The following FAM219B variants were observed in gnomAD, a reference collection of about 807,000 sequenced individuals.
FAM219B encodes family with sequence similarity 219 member B, also known as protein FAM219B.
In FAM219B, 18 loss-of-function variants were observed where a neutral mutation model predicts 19.9. That is an observed-to-expected ratio of 0.91 (90% confidence interval 0.63 to 1.34). FAM219B has a LOEUF of 1.34. Among genes scored for constraint, FAM219B ranks in the 40% most tolerant of loss-of-function variants. The pLI is 0.00. For missense variants in FAM219B, 283 were observed against 270.5 expected, an observed-to-expected ratio of 1.05 and a Z score of -0.32; for synonymous variants, 123 against 117.5, an observed-to-expected ratio of 1.05 and a Z score of -0.30.
In FAM219B at chr15:74,902,775, C is replaced by G. The variant is rs1432881925; in HGVS notation, c.441G>C (p.Gln147His). 2 of 1,608,530 alleles carry G rather than the reference C, an allele frequency of 1.2e-6. No homozygotes were observed. The highest frequency in any genetic ancestry group is 2.7e-5 in the African/African-American group (2 of 74,842). ...CCTGAAGCAGCTGCCGGCTCACATCCTGGTTCACCTGCTAAGAGAAGGAGA... is the reference window on the plus strand; with the variant it reads ...CCTGAAGCAGCTGCCGGCTCACATCGTGGTTCACCTGCTAAGAGAAGGAGA... ...SGYSSAEQVN[Q>H]DVSRQLLQDG... Residue 147 changes from glutamine to histidine, a missense_variant, in exon 5 of 5, where the codon CAG becomes CAC. Physicochemically the swap from Gln to His is conservative, Grantham distance 24. Coordinates refer to ENST00000357635, the MANE Select transcript of FAM219B (RefSeq NM_020447.5).
In FAM219B at chr15:74,902,582, C is replaced by T. The variant is rs1400729329; in HGVS notation, c.*37G>A. 6.4e-7 allele frequency: 1 copy of T among 1,565,240 alleles called. No individual in the cohort carries two copies. Among genetic ancestry groups the T allele is most frequent in the East Asian group, 2.3e-5 (1 of 44,294 alleles). On this transcript the variant is annotated 3_prime_UTR_variant, in exon 5 of 5. Coordinates refer to ENST00000357635, the MANE Select transcript of FAM219B (RefSeq NM_020447.5). ...TGAGTGGCCAACAGGGCTCTGTAGG[C>T]CTCATGGTGAGCAGGGCCCACCTTG...
chr15:74,898,102 C>T, downstream of FAM219B: 2 of 370,698 alleles, frequency 5.4e-6, no homozygotes, highest in Non-Finnish European at 1.0e-5. Flanking sequence ...TTTCTAAGAA[C>T]AGGGTTCTAG....
intron 4 of FAM219B, 85 bp downstream of exon 4, chr15:74,904,579 C>T: frequency 2.0e-6 from 3 of 1,490,698 alleles, no homozygotes. Flanking sequence ...GTGCTGTGCT[C>T]ACAGCGGGCA....
chr15:74,906,349 C>G lies in FAM219B; in HGVS notation c.231G>C (p.Leu77=), dbSNP rs763528552. Residue 77 remains leucine, a synonymous_variant, in exon 2 of 5, where the codon CTG becomes CTC. Transcript: ENST00000357635. ...CTTTTCTCCGCAGAACGGCCTTGGC[C>G]AGGTCCCGGTGCTTCTCTGGAAGTT... ...IQAKLQKHRD[L]AKAVLRRKGM... is the part of the protein sequence containing the mutation. The G allele has an allele frequency of 1.2e-6, 2 of 1,612,350 alleles. No individual in the cohort carries two copies. Among genetic ancestry groups the G allele is most frequent in the Non-Finnish European group, 1.7e-6 (2 of 1,179,452 alleles).
rs1462580079 is a variant in FAM219B at position 74,900,690 on chromosome 15, CA to C, written c.*1928del. 2 of 152,242 alleles carry C rather than the reference CA, an allele frequency of 1.3e-5. No individual in the cohort carries two copies. The highest frequency in any genetic ancestry group is 4.1e-4 in the South Asian group (2 of 4,836). The allele number at this position is 152,242 out of a possible 1,614,324, so 9.4% of individuals were successfully genotyped here. A position where few individuals can be genotyped will look rare whatever the true frequency, so the allele number is the denominator to read the frequency against. Reference sequence around the variant, plus strand: ...TTCTTGAGCTCTACAAGCATTTGCACAAAGTGCTCAGAATGTTGGCCACTGC... The same window carrying C: ...TTCTTGAGCTCTACAAGCATTTGCACAAGTGCTCAGAATGTTGGCCACTGC... On this transcript the variant is annotated 3_prime_UTR_variant, in exon 5 of 5. Transcript: ENST00000357635.
chr15:74,901,408 A>G lies in FAM219B; in HGVS notation c.*1211T>C, dbSNP rs1377786272. 1 of 152,208 alleles carries G rather than the reference A, an allele frequency of 6.6e-6. No individual in the cohort carries two copies. The highest frequency in any genetic ancestry group is 1.5e-5 in the Non-Finnish European group (1 of 68,044). The allele number at this position is 152,208 out of a possible 1,614,324, so 9.4% of individuals were successfully genotyped here. A position where few individuals can be genotyped will look rare whatever the true frequency, so the allele number is the denominator to read the frequency against. On this transcript the variant is annotated 3_prime_UTR_variant, in exon 5 of 5. Transcript: ENST00000357635. ...ATTTGTGGGTAGGGGGTGTCACAGC[A>G]GAAATTATGCCTATTTCTGCTGTTT...
Position 74,902,714 on chromosome 15 carries a change from C to T in FAM219B, c.502G>A (p.Asp168Asn). Residue 168 changes from aspartate (D) to asparagine (N), a missense_variant, in exon 5 of 5, where the codon GAC becomes AAC. Transcript: ENST00000357635. The part of the protein sequence containing the change: ...YHLDEIPDDE[D>N]LDLIPPKPMA... ...GGCTTAGGGGGGATGAGGTCCAAGT[C>T]CTCGTCATCTGGAATCTCATCCAGG... 6.2e-7 allele frequency: 1 copy of T among 1,613,096 alleles called. No homozygotes were observed. Among genetic ancestry groups the T allele is most frequent in the African/African-American group, 1.3e-5 (1 of 75,030 alleles).
Position 74,901,870 on chromosome 15 carries a change from A to G in FAM219B, c.*749T>C. 1 of 369,498 alleles carries G rather than the reference A, an allele frequency of 2.7e-6. No individual in the cohort carries two copies. Among genetic ancestry groups the G allele is most frequent in the Non-Finnish European group, 4.8e-6 (1 of 208,446 alleles). 22.9% of individuals were successfully genotyped at this position (369,498 alleles called of 1,614,324 possible). ...TGAAGAAACTCACCCAGACCAAGGA[A>G]ATACAAATAAATAAATATGAACATG... On this transcript the variant is annotated 3_prime_UTR_variant, in exon 5 of 5. Transcript: ENST00000357635.
rs2064924981 is a variant in FAM219B, at chr15:74,900,834, T to C, written c.*1785A>G. 6.6e-6 allele frequency: 1 copy of C among 152,306 alleles called. No individual in the cohort carries two copies. The highest frequency in any genetic ancestry group is 1.5e-5 in the Non-Finnish European group (1 of 68,010). 9.4% of individuals were successfully genotyped at this position (152,306 alleles called of 1,614,324 possible). ...TCTCTGCTGTGATGCTCCTAGCTAG[T>C]AGAGTAAGTCAGCCCCCAGATACTG... is the stretch of plus-strand genomic sequence containing the variant. On this transcript the variant is annotated 3_prime_UTR_variant, in exon 5 of 5. Coordinates refer to ENST00000357635, the MANE Select transcript of FAM219B (RefSeq NM_020447.5).
At position 74,906,618 on chromosome 15, in the gene FAM219B, C is replaced by A; in HGVS notation, c.183G>T (p.Val61=). 4 of 1,508,978 alleles carry A rather than the reference C, an allele frequency of 2.7e-6. No individual in the cohort carries two copies. The highest frequency in any genetic ancestry group is 3.5e-6 in the Non-Finnish European group (4 of 1,132,008). 93.5% of individuals were successfully genotyped at this position (1,508,978 alleles called of 1,614,324 possible). A position where few individuals can be genotyped will look rare whatever the true frequency, so the allele number is the denominator to read the frequency against. The change falls in exon 1 of 5, where the codon GTG becomes GTT. Residue 61 remains valine, a synonymous_variant. Transcript: ENST00000357635. ...TGGCTTGAATGGAGGGTGCGCGCGT[C>A]ACCATGTATGGCCCCCGCTTTTCCA... ...AAVEKRGPYM[V]TRAPSIQAKL...
downstream of FAM219B, chr15:74,899,180 G>A (rs375046596): frequency 2.4e-4 from 37 of 152,230 alleles, no homozygotes; most frequent in African/African-American, 8.9e-4. Flanking sequence ...ACACCTGCAA[G>A]AGGCTGTCGG....
intron 2 of FAM219B, 200 bp downstream of exon 2, chr15:74,906,078 C>A (rs1431721874): frequency 5.0e-6 from 3 of 598,634 alleles, no homozygotes; most frequent in Non-Finnish European, 5.9e-6. Context: ...TCCCTTATTC[C>A]GAAGCCCTTT....
chr15:74,904,903 C>G, intron 3 of FAM219B, 191 bp from the exon 4 acceptor site: 1 of 1,475,300 alleles, frequency 6.8e-7, no homozygotes, highest in Non-Finnish European at 9.2e-7. Flanking sequence ...CAGGGTCACT[C>G]TCACTAACAA....
At position 74,900,620 on chromosome 15, in the gene FAM219B, T is replaced by C. The variant is rs954226084; in HGVS notation, c.*1999A>G. 6.6e-6 allele frequency: 1 copy of C among 152,286 alleles called. No individual in the cohort carries two copies. Among genetic ancestry groups the C allele is most frequent in the Non-Finnish European group, 1.5e-5 (1 of 68,064 alleles). The allele number at this position is 152,286 out of a possible 1,614,324, so 9.4% of individuals were successfully genotyped here. Reference sequence around the variant, plus strand: ...CACCTCTGCAGACACAAGAAAGGCCTGGACATGGTCTCTGCAGATGGGGAA... The same window carrying C: ...CACCTCTGCAGACACAAGAAAGGCCCGGACATGGTCTCTGCAGATGGGGAA... On this transcript the variant is annotated 3_prime_UTR_variant, in exon 5 of 5. Coordinates refer to ENST00000357635, the MANE Select transcript of FAM219B (RefSeq NM_020447.5).
At chr15:74,903,625 GAAAAAGA>G (rs1355082564) in intron 4 of FAM219B, among the ~76,000 whole-genome samples, 3 of 119,576 alleles carry the variant, frequency 2.5e-5, no homozygotes, top group African/African-American at 1.0e-4. Context: ...AAAAAAAAAA[GAAAAAGA>G]AAAATAAATG....
chr15:74,905,208 T>C lies in FAM219B; in HGVS notation c.326A>G (p.Tyr109Cys). ...ATCTGGACTCTGGCTAAGAGCAGTATAGCCCTTGTTAAACTTCACTGACCT... is the reference window on the plus strand; with the variant it reads ...ATCTGGACTCTGGCTAAGAGCAGTACAGCCCTTGTTAAACTTCACTGACCT... ...GKRSVKFNKGYTALSQSPDEN... is the reference protein window; with the variant it reads ...GKRSVKFNKGCTALSQSPDEN... Residue 109 changes from tyrosine to cysteine, a missense_variant, in exon 3 of 5, where the codon TAT becomes TGT. Physicochemically the swap from Tyr to Cys is radical, Grantham distance 194. Coordinates refer to ENST00000357635, the MANE Select transcript of FAM219B (RefSeq NM_020447.5). 6.2e-7 allele frequency: 1 copy of C among 1,614,000 alleles called. No individual in the cohort carries two copies. The highest frequency in any genetic ancestry group is 8.5e-7 in the Non-Finnish European group (1 of 1,179,948).
chr15:74,902,269 C>A lies in FAM219B; in HGVS notation c.*350G>T. 1 of 399,860 alleles carries A rather than the reference C, an allele frequency of 2.5e-6. No homozygotes were observed. 24.8% of individuals were successfully genotyped at this position (399,860 alleles called of 1,614,324 possible). A position where few individuals can be genotyped will look rare whatever the true frequency, so the allele number is the denominator to read the frequency against. On this transcript the variant is annotated 3_prime_UTR_variant, in exon 5 of 5. Transcript: ENST00000357635. The stretch of plus-strand genomic sequence containing the variant: ...CTAGCACAGCCTGGGCACAAGAGCT[C>A]CCTTTTTGCCTCCCTGAAGCACTAT...
At chr15:74,902,930 A>G in intron 4 of FAM219B, 144 bp from the exon 5 acceptor site, 3 of 826,448 alleles carry the variant, frequency 3.6e-6, no homozygotes, top group Non-Finnish European at 5.5e-6. Flanking sequence ...GGACTACAGG[A>G]GGAAGTACCA....
rs746578052 is a variant in FAM219B, at chr15:74,905,162, G to T, written c.372C>A (p.Asp124Glu). ...QSPDENLVSLDSDSDGELGSR... is the reference protein window; with the variant it reads ...QSPDENLVSLESDSDGELGSR... ...CCAAGGGGAGCACTCACCTGTCAGAGTCGAGGGACACCAGGTTTTCATCTG... is the reference window on the plus strand; with the variant it reads ...CCAAGGGGAGCACTCACCTGTCAGATTCGAGGGACACCAGGTTTTCATCTG... The change falls in exon 3 of 5, where the codon GAC becomes GAA. Residue 124 changes from aspartate to glutamate, a missense_variant. Physicochemically the swap from Asp to Glu is conservative, Grantham distance 45 (BLOSUM62 2). Coordinates refer to ENST00000357635, the MANE Select transcript of FAM219B (RefSeq NM_020447.5). 6.2e-7 allele frequency: 1 copy of T among 1,614,084 alleles called. No homozygotes were observed. Among genetic ancestry groups the T allele is most frequent in the East Asian group, 2.2e-5 (1 of 44,866 alleles).
Sources: gnomAD v4.1 joint callset for allele counts (sites outside exome capture counted in the v4.1 genomes callset) on GRCh38, gnomAD v4.1.1 for gene constraint, MANE v1.5 for transcripts, NCBI Gene and HGNC (gene_info 2026-07-23, HGNC 2026-07-21) for gene names.